The following ROBO2 variants were observed in gnomAD, a reference collection of about 807,000 sequenced individuals.
The protein encoded by ROBO2 is roundabout guidance receptor 2, also known as roundabout homolog 2.
A neutral mutation model predicts 160.8 loss-of-function variants in ROBO2; 53 were observed. The observed-to-expected ratio is 0.33, with a 90% confidence interval of 0.26 to 0.41. ROBO2 has a LOEUF of 0.41. Ranked by LOEUF, ROBO2 falls within the 10% of genes least tolerant of loss-of-function variation. The pLI is 1.00. For synonymous variants in ROBO2, 664 were observed against 611.7 expected (o/e 1.09, Z -1.26); for missense variants, 1,577 against 1,722.4 (o/e 0.92, Z 1.49).
At chr3:77,144,238 A>AT (rs1560102402) in intron 2 of ROBO2, among the ~76,000 whole-genome samples, 2 of 152,148 alleles carry the variant, frequency 1.3e-5, no homozygotes. Flanking sequence ...TGAGAATTAA[A>AT]TAGTATTTCC....
chr3:77,244,965 T>A (rs572628262), intron 2 of ROBO2, among the ~76,000 whole-genome samples: 112 of 148,524 alleles, frequency 7.5e-4, no homozygotes, highest in Non-Finnish European at 1.3e-3. Context: ...TTTTTTTTTA[T>A]CAAAAAAGCA....
At chr3:76,479,812 C>G (rs112483808) in intron 2 of ROBO2, among the ~76,000 whole-genome samples, 1,525 of 152,232 alleles carry the variant, frequency 0.01, 22 homozygotes, top group African/African-American at 0.035. Context: ...TAGGAACAGA[C>G]AGTGTCCAAC....
chr3:77,177,034 G>GA (rs1491298602), intron 2 of ROBO2, among the ~76,000 whole-genome samples: 3 of 151,742 alleles, frequency 2.0e-5, no homozygotes, highest in Admixed American at 2.0e-4. Flanking sequence ...TAAAAAAATG[G>GA]AAAAAACACA....
intron 2 of ROBO2, among the ~76,000 whole-genome samples, chr3:77,141,105 G>A (rs891501428): frequency 2.6e-5 from 4 of 152,188 alleles, no homozygotes; most frequent in African/African-American, 9.7e-5. Flanking sequence ...GAAAGTGTAT[G>A]AAGTATTTCC....
chr3:77,406,457 CA>C (rs2076263109), intron 2 of ROBO2, among the ~76,000 whole-genome samples: 1 of 151,954 alleles, frequency 6.6e-6, no homozygotes, highest in Non-Finnish European at 1.5e-5. Flanking sequence ...ATTAATGGAT[CA>C]ATTATTTTTT....
intron 2 of ROBO2, among the ~76,000 whole-genome samples, chr3:76,126,403 T>C (rs1310219944): frequency 6.6e-6 from 1 of 152,152 alleles, no homozygotes; most frequent in African/African-American, 2.4e-5. Flanking sequence ...TTGGACCTGA[T>C]AGCATAACGC....
chr3:76,419,404 G>A (rs1486196285), intron 2 of ROBO2, among the ~76,000 whole-genome samples: 5 of 151,872 alleles, frequency 3.3e-5, no homozygotes, highest in African/African-American at 9.7e-5. Flanking sequence ...TTTATTCAAA[G>A]TGATACAAAT....
At chr3:76,852,422 A>G (rs1354759995) in intron 2 of ROBO2, among the ~76,000 whole-genome samples, 1 of 152,186 alleles carries the variant, frequency 6.6e-6, no homozygotes, top group Non-Finnish European at 1.5e-5. Context: ...CTCTAAAACT[A>G]CTTTCATCTA....
intron 2 of ROBO2, among the ~76,000 whole-genome samples, chr3:76,934,263 C>T (rs148486529): frequency 6.6e-6 from 1 of 151,654 alleles, no homozygotes; most frequent in Non-Finnish European, 1.5e-5. Context: ...TTTTTACAAG[C>T]CTTTAAGCCG....
chr3:76,799,844 A>G (rs2064064807), intron 2 of ROBO2, among the ~76,000 whole-genome samples: 2 of 152,310 alleles, frequency 1.3e-5, no homozygotes, highest in South Asian at 4.1e-4. Context: ...CCAAAATGCC[A>G]ATCTTTACAT....
In ROBO2 at chr3:76,031,275, G is replaced by A. The variant is rs1004539706; in HGVS notation, c.109+93673G>A. Among the ~76,000 whole-genome samples, 10 of 152,248 alleles carry A rather than the reference G, an allele frequency of 6.6e-5. No homozygotes were observed. In the South Asian group the frequency reaches 2.1e-3, roughly 32 times the overall value. ...AAGGAGATTTTGGGCTGAGATGATG[G>A]GGTTTTCTAAATATAAATCATGTCA... is the stretch of plus-strand genomic sequence containing the variant. On this transcript the variant is annotated intron_variant, in intron 2 of 26. Coordinates refer to the ROBO2 transcript ENST00000487694.
intron 2 of ROBO2, among the ~76,000 whole-genome samples, chr3:77,128,051 T>C (rs1342247099): frequency 6.6e-6 from 1 of 152,226 alleles, no homozygotes; most frequent in African/African-American, 2.4e-5. Context: ...TATTTTATAA[T>C]TAAACGTGAT....
In ROBO2 at chr3:76,516,242, G is replaced by C. The variant is rs1290257514; in HGVS notation, c.109+578640G>C. 2.0e-5 allele frequency among the ~76,000 whole-genome samples: 3 copies of C among 152,134 alleles called. No individual in the cohort carries two copies. The East Asian group carries it at 5.8e-4, about 29-fold the overall frequency. ...GACTCTATGAGCAACAGAAATCTGT[G>C]AGAAGACCCTCTATAGCAGATGACC... On this transcript the variant is annotated intron_variant, in intron 2 of 26. Coordinates refer to the ROBO2 transcript ENST00000487694.
intron 2 of ROBO2, among the ~76,000 whole-genome samples, chr3:77,164,388 T>TG (rs370665343): frequency 0.06 from 4,921 of 82,164 alleles, 372 homozygotes; most frequent in Middle Eastern, 0.11. Context: ...GGGAGGGAGG[T>TG]GGGGGGTCAG....
intron 2 of ROBO2, among the ~76,000 whole-genome samples, chr3:76,211,948 C>T (rs1211668680): frequency 2.0e-5 from 3 of 151,766 alleles, no homozygotes; most frequent in Non-Finnish European, 4.4e-5. Flanking sequence ...CAAGTGACTA[C>T]AATTGAGGTT....
intron 2 of ROBO2, among the ~76,000 whole-genome samples, chr3:77,237,783 A>C (rs1288790162): frequency 2.0e-5 from 3 of 152,268 alleles, no homozygotes; most frequent in South Asian, 2.1e-4. Flanking sequence ...ATTGCATCAT[A>C]AAAGTATGTT....
chr3:77,569,764 T>C (rs1559634078), intron 13 of ROBO2, among the ~76,000 whole-genome samples: 1 of 151,940 alleles, frequency 6.6e-6, no homozygotes, highest in Admixed American at 6.6e-5. Flanking sequence ...TTGTTCCATG[T>C]TGTTACTCCT....
chr3:76,296,816 G>C (rs1036796686), intron 2 of ROBO2, among the ~76,000 whole-genome samples: 3 of 152,184 alleles, frequency 2.0e-5, no homozygotes, highest in South Asian at 2.1e-4. Flanking sequence ...TAGATTCAAT[G>C]TCTTAAAACT....
chr3:77,323,485 A>C (rs1217978819), intron 2 of ROBO2, among the ~76,000 whole-genome samples: 1 of 152,154 alleles, frequency 6.6e-6, no homozygotes, highest in Non-Finnish European at 1.5e-5. Flanking sequence ...AAAATTAATC[A>C]AGAAAAAGAG....
Sources: gnomAD v4.1 joint callset for allele counts (sites outside exome capture counted in the v4.1 genomes callset) on GRCh38, gnomAD v4.1.1 for gene constraint, MANE v1.5 for transcripts, NCBI Gene and HGNC (gene_info 2026-07-23, HGNC 2026-07-21) for gene names.